SHTN1: variants seen among roughly 807,000 people sequenced by gnomAD.
The protein encoded by SHTN1 is shootin 1.
SHTN1 carries 42 observed loss-of-function variants against 83.1 expected under a neutral mutation model. The ratio of observed to expected loss-of-function variants is 0.51; its 90% CI spans 0.39 to 0.65. The LOEUF is 0.65. SHTN1 is among the 30% of genes least tolerant of loss of function. The pLI is 0.00. For missense variants in SHTN1, 622 were observed against 737.8 expected (o/e 0.84, Z 1.82); for synonymous variants, 224 against 247.7 (o/e 0.90, Z 0.90).
chr10:117,010,644 C>A (rs959811808), intron 2 of SHTN1, among the ~76,000 whole-genome samples: 1 of 152,128 alleles, frequency 6.6e-6, no homozygotes, highest in Non-Finnish European at 1.5e-5. Context: ...AATGTACACA[C>A]CAATTTCTCT....
At chr10:117,081,712 A>T (rs368669752) in intron 1 of SHTN1, among the ~76,000 whole-genome samples, 1 of 147,586 alleles carries the variant, frequency 6.8e-6, no homozygotes. Context: ...ACAATTTCAG[A>T]TCCTGTTATT....
chr10:116,958,399 T>C (rs906825236), intron 4 of SHTN1, among the ~76,000 whole-genome samples: 1 of 152,206 alleles, frequency 6.6e-6, no homozygotes, highest in Non-Finnish European at 1.5e-5. Flanking sequence ...AACTATATGT[T>C]CATTTTAAAA....
At chr10:116,935,105 T>C (rs1849107156) in intron 9 of SHTN1, among the ~76,000 whole-genome samples, 1 of 152,240 alleles carries the variant, frequency 6.6e-6, no homozygotes, top group South Asian at 2.1e-4. Flanking sequence ...TCATGTCATC[T>C]GCAAACAGAG....
At chr10:116,960,989 G>C (rs765310105) in intron 3 of SHTN1, among the ~76,000 whole-genome samples, 5 of 151,960 alleles carry the variant, frequency 3.3e-5, no homozygotes, top group Non-Finnish European at 7.4e-5. Flanking sequence ...AAGTGATTTA[G>C]AACTTGAGTT....
chr10:116,977,245 T>C (rs1344568762), intron 2 of SHTN1, among the ~76,000 whole-genome samples: 1 of 152,186 alleles, frequency 6.6e-6, no homozygotes, highest in Non-Finnish European at 1.5e-5. Context: ...CCTCTTACAT[T>C]ATTCATTTTC....
chr10:116,904,576 T>TAG (rs1248004546), intron 15 of SHTN1, among the ~76,000 whole-genome samples: 10 of 152,188 alleles, frequency 6.6e-5, no homozygotes, highest in Admixed American at 3.3e-4. Flanking sequence ...TTAACGATTC[T>TAG]ACTGAAAATG....
intron 1 of SHTN1, among the ~76,000 whole-genome samples, chr10:117,000,638 C>A (rs1437325715): frequency 1.3e-5 from 2 of 152,190 alleles, no homozygotes; most frequent in African/African-American, 4.8e-5. Context: ...GGCATTACTA[C>A]ACTGAACAGT....
At chr10:117,094,172 A>C (rs916255754) in intron 1 of SHTN1, among the ~76,000 whole-genome samples, 2 of 152,152 alleles carry the variant, frequency 1.3e-5, no homozygotes, top group African/African-American at 2.4e-5. Context: ...GTATTGCCCC[A>C]AAAAGACCTA....
Position 116,952,020 on chromosome 10 carries a change from G to A in SHTN1, c.437-14C>T, listed in dbSNP as rs1564894158. 4 of 1,315,108 alleles carry A rather than the reference G, an allele frequency of 3.0e-6. No homozygotes were observed. The highest frequency in any genetic ancestry group is 2.3e-5 in the Admixed American group (1 of 42,946). The allele number at this position is 1,315,108 out of a possible 1,614,324, so 81.5% of individuals were successfully genotyped here. A position where few individuals can be genotyped will look rare whatever the true frequency, so the allele number is the denominator to read the frequency against. ...GATCTCGAAGTTCTGCATTTTTAAA[G>A]AAAAAAAATATATAAATAAACTTAT... On this transcript the variant is annotated splice_polypyrimidine_tract_variant and intron_variant, in intron 5 of 16. Coordinates refer to ENST00000355371, the MANE Select transcript of SHTN1 (RefSeq NM_001127211.3).
chr10:116,959,302 T>C (rs1850094945), intron 4 of SHTN1, among the ~76,000 whole-genome samples: 2 of 152,234 alleles, frequency 1.3e-5, no homozygotes, highest in Non-Finnish European at 2.9e-5. Context: ...AATTCTAATG[T>C]AGTGTTGTTA....
At chr10:116,969,311 C>A (rs113326085) in intron 2 of SHTN1, among the ~76,000 whole-genome samples, 3,511 of 152,066 alleles carry the variant, frequency 0.023, 100 homozygotes, top group East Asian at 0.093. Flanking sequence ...CGTGGTGGTG[C>A]GCACCTGTAA....
Position 117,103,779 on chromosome 10 carries a change from G to A in SHTN1, c.-189+22528C>T, listed in dbSNP as rs1002172649. On this transcript the variant is annotated intron_variant, in intron 1 of 17. Transcript: ENST00000392901. ...TCTCGATCTCCTGACCTCATGATCC[G>A]CCCTCCTTGGCCTCCCAAAGTGCTG... Among the ~76,000 whole-genome samples, 11 of 151,972 alleles carry A rather than the reference G, an allele frequency of 7.2e-5. No homozygotes were observed. The South Asian group carries it at 8.3e-4, about 11-fold the overall frequency.
chr10:117,054,483 G>C (rs996036799), intron 1 of SHTN1, among the ~76,000 whole-genome samples: 1 of 148,144 alleles, frequency 6.8e-6, no homozygotes, highest in Non-Finnish European at 1.5e-5. Context: ...TCGGCTCACT[G>C]CAAGTTCTGC....
chr10:117,087,672 G>A (rs1285842399), intron 1 of SHTN1, among the ~76,000 whole-genome samples: 1 of 152,172 alleles, frequency 6.6e-6, no homozygotes, highest in African/African-American at 2.4e-5. Flanking sequence ...AAGACAATAT[G>A]AGTCAAAACA....
At chr10:117,002,591 G>A (rs1009123638) in intron 1 of SHTN1, among the ~76,000 whole-genome samples, 4 of 152,138 alleles carry the variant, frequency 2.6e-5, no homozygotes, top group African/African-American at 9.7e-5. Flanking sequence ...ATTGATCATA[G>A]TATGTACTGT....
intron 16 of SHTN1, 140 bp from the exon 17 acceptor site, chr10:116,886,706 C>A: frequency 8.6e-7 from 1 of 1,161,726 alleles, no homozygotes. Context: ...TTTGAGATGC[C>A]AGCCATTTAA....
rs1554934278 is a variant in SHTN1 at position 117,053,024 on chromosome 10, A to AAAAAAAAAAAAAAAAAAAAG, written c.-188-4515_-188-4514insCTTTTTTTTTTTTTTTTTTT. Among the ~76,000 whole-genome samples the AAAAAAAAAAAAAAAAAAAAG allele has an allele frequency of 1.4e-4, 7 of 51,266 alleles. 1 individual carries two copies. Among genetic ancestry groups the AAAAAAAAAAAAAAAAAAAAG allele is most frequent in the Non-Finnish European group, 2.8e-4 (5 of 17,604 alleles). The allele number at this position is 51,266 out of a possible 152,430, so 33.6% of individuals were successfully genotyped here. On this transcript the variant is annotated intron_variant, in intron 1 of 17. Coordinates refer to the SHTN1 transcript ENST00000392901. ...AACAGAGCAAGACTGTGTCTCAAAAAAAAAAAGAATTAAGAATTAAGTTGG... is the reference window on the plus strand; with the variant it reads ...AACAGAGCAAGACTGTGTCTCAAAAAAAAAAAAAAAAAAAAAAAAGAAAAAAGAATTAAGAATTAAGTTGG...
chr10:116,989,763 C>G (rs1027552647), intron 1 of SHTN1, among the ~76,000 whole-genome samples: 7 of 152,124 alleles, frequency 4.6e-5, no homozygotes, highest in Non-Finnish European at 1.0e-4. Flanking sequence ...TAATATAAAC[C>G]AGAGTTTTAA....
chr10:116,910,258 T>C (rs553618807), intron 14 of SHTN1, among the ~76,000 whole-genome samples: 78 of 152,218 alleles, frequency 5.1e-4, no homozygotes, highest in Admixed American at 2.0e-3. Context: ...TTAAAAAAAC[T>C]TAATGTAAAG....
Sources: gnomAD v4.1 joint callset for allele counts (sites outside exome capture counted in the v4.1 genomes callset) on GRCh38, gnomAD v4.1.1 for gene constraint, MANE v1.5 for transcripts, NCBI Gene and HGNC (gene_info 2026-07-23, HGNC 2026-07-21) for gene names.